Variants in IQGAP2 observed in about 807,000 individuals in gnomAD.
The protein encoded by IQGAP2 is IQ motif containing GTPase activating protein 2, also known as ras GTPase-activating-like protein IQGAP2.
Under a neutral mutation model 201.3 loss-of-function variants are expected in IQGAP2, and 173 were observed. The ratio of observed to expected loss-of-function variants is 0.86; its 90% confidence interval spans 0.76 to 0.98. The LOEUF (loss-of-function observed/expected upper bound fraction) is 0.98, where lower values mean the gene tolerates loss of function less well. IQGAP2 is among the 50% of genes least tolerant of loss of function. IQGAP2 has a pLI of 0.00. For synonymous variants in IQGAP2, 675 were observed against 673.9 expected (o/e 1.00, Z -0.03); for missense variants, 1,687 against 1,864.8 (o/e 0.90, Z 1.76).
intron 2 of IQGAP2, among the ~76,000 whole-genome samples, chr5:76,549,239 C>T (rs1172570516): frequency 6.6e-6 from 1 of 152,018 alleles, no homozygotes; most frequent in Non-Finnish European, 1.5e-5. Flanking sequence ...AGGAAACAGA[C>T]TCAGATTAAT....
intron 2 of IQGAP2, among the ~76,000 whole-genome samples, chr5:76,474,761 C>T (rs1001330535): frequency 7.2e-5 from 11 of 152,200 alleles, no homozygotes; most frequent in Admixed American, 7.2e-4. Context: ...CTGAGGATCA[C>T]TCCTGACCCT....
At chr5:76,660,739 A>C (rs1397299078) in intron 21 of IQGAP2, among the ~76,000 whole-genome samples, 1 of 152,230 alleles carries the variant, frequency 6.6e-6, no homozygotes, top group Non-Finnish European at 1.5e-5. Flanking sequence ...TTAGCGGTTA[A>C]ATTAATGATT....
At position 76,428,930 on chromosome 5, in the gene IQGAP2, TA is replaced by T. The variant is rs1285204202; in HGVS notation, c.46+25344del. Reference sequence around the variant, plus strand: ...CAACATGGTGAAACCCCACCTCTGCTAAAAATACATAAATTAGCCAGGCGTG... The same window carrying T: ...CAACATGGTGAAACCCCACCTCTGCTAAAATACATAAATTAGCCAGGCGTG... On this transcript the variant is annotated intron_variant, in intron 1 of 35. Coordinates refer to ENST00000274364, the MANE Select transcript of IQGAP2 (RefSeq NM_006633.5). Among the ~76,000 whole-genome samples, 5 of 151,920 alleles carry T rather than the reference TA, an allele frequency of 3.3e-5. No individual in the cohort carries two copies. The East Asian group carries it at 7.8e-4, about 24-fold the overall frequency.
intron 4 of IQGAP2, among the ~76,000 whole-genome samples, chr5:76,574,103 C>T (rs1745306857): frequency 6.6e-6 from 1 of 152,122 alleles, no homozygotes; most frequent in South Asian, 2.1e-4. Flanking sequence ...GGAAATTGCA[C>T]TTGAGTATCA....
intron 30 of IQGAP2, among the ~76,000 whole-genome samples, chr5:76,686,341 TTGTTGTTG>T (rs1201222351): frequency 1.9e-4 from 28 of 144,738 alleles, no homozygotes; most frequent in African/African-American, 7.0e-4. Flanking sequence ...TCTGTTTTTT[TTGTTGTTG>T]TTGTTGTTGT....
chr5:76,411,746 C>T (rs1191209770), intron 1 of IQGAP2, among the ~76,000 whole-genome samples: 1 of 152,174 alleles, frequency 6.6e-6, no homozygotes, highest in Non-Finnish European at 1.5e-5. Context: ...TCATAAATGA[C>T]CCAGTCTCAG....
intron 11 of IQGAP2, 63 bp from the exon 12 acceptor site, chr5:76,606,116 G>C (rs1190953837): frequency 1.4e-6 from 2 of 1,432,358 alleles, no homozygotes; most frequent in Non-Finnish European, 1.9e-6. Context: ...TCATAGTTGA[G>C]AAACAACAGG....
chr5:76,522,373 G>A (rs1156796658), intron 2 of IQGAP2, among the ~76,000 whole-genome samples: 2 of 151,928 alleles, frequency 1.3e-5, no homozygotes, highest in African/African-American at 4.8e-5. Flanking sequence ...AGTAGAGATG[G>A]AGTTTCGCCA....
chr5:76,654,317 A>G (rs374925195), intron 19 of IQGAP2, 46 bp downstream of exon 19: 1 of 1,201,528 alleles, frequency 8.3e-7, no homozygotes. Context: ...ATAATGACCT[A>G]AATGAATGCT....
intron 2 of IQGAP2, among the ~76,000 whole-genome samples, chr5:76,525,463 AT>A (rs777810101): frequency 1.4e-3 from 211 of 147,894 alleles, no homozygotes; most frequent in Middle Eastern, 3.5e-3. Flanking sequence ...TTTCCAGTGA[AT>A]TTTTTTTTTT....
At position 76,640,712 on chromosome 5, in the gene IQGAP2, AT is replaced by A. The variant is rs1487609500; in HGVS notation, c.1924-219del. ...CCAAATCCTGAGATCATTGAGCTGC[AT>A]TCTCTTGCCACCTCAGCACCAAGCT... On this transcript the variant is annotated intron_variant, in intron 16 of 35. Coordinates refer to ENST00000274364, the MANE Select transcript of IQGAP2 (RefSeq NM_006633.5). 3.3e-5 allele frequency among the ~76,000 whole-genome samples: 5 copies of A among 152,234 alleles called. No homozygotes were observed. In the East Asian group the frequency reaches 9.6e-4, roughly 29 times the overall value.
intron 13 of IQGAP2, chr5:76,623,309 T>G: frequency 6.5e-7 from 1 of 1,530,440 alleles, no homozygotes. Flanking sequence ...CAGTTCCATG[T>G]GTCAGCAGCA....
chr5:76,496,755 T>TTTTCTTTCTTTC (rs1561416457), intron 2 of IQGAP2, among the ~76,000 whole-genome samples: 2 of 80,214 alleles, frequency 2.5e-5, no homozygotes, highest in African/African-American at 1.1e-4. Context: ...CTTTCTTTCT[T>TTTTCTTTCTTTC]TCTTTCTTTC....
Position 76,618,477 on chromosome 5 carries a change from T to C in IQGAP2, c.1521+7294T>C, listed in dbSNP as rs768017400. 2.6e-5 allele frequency: 42 copies of C among 1,614,074 alleles called. No homozygotes were observed. The Admixed American group carries it at 7.0e-4, about 27-fold the overall frequency. ...CATGGTAGCATTTTTCACATGGAGATGTGAAGCACTTTCTTCAGGGCACTT... is the reference window on the plus strand; with the variant it reads ...CATGGTAGCATTTTTCACATGGAGACGTGAAGCACTTTCTTCAGGGCACTT... On this transcript the variant is annotated intron_variant, in intron 13 of 35. Coordinates refer to ENST00000274364, the MANE Select transcript of IQGAP2 (RefSeq NM_006633.5).
At chr5:76,450,827 A>G (rs1239700880) in intron 1 of IQGAP2, among the ~76,000 whole-genome samples, 2 of 152,150 alleles carry the variant, frequency 1.3e-5, no homozygotes, top group Non-Finnish European at 1.5e-5. Flanking sequence ...ATCTAATCAC[A>G]TTGAAATATA....
chr5:76,682,137 T>TA (rs777722277), intron 28 of IQGAP2, among the ~76,000 whole-genome samples: 21 of 152,196 alleles, frequency 1.4e-4, no homozygotes, highest in Non-Finnish European at 2.9e-4. Context: ...CAGAGAGTGG[T>TA]AATGGCTGCA....
At chr5:76,676,558 C>T (rs1194379413) in intron 27 of IQGAP2, among the ~76,000 whole-genome samples, 1 of 152,236 alleles carries the variant, frequency 6.6e-6, no homozygotes, top group South Asian at 2.1e-4. Context: ...TAGAACTATT[C>T]AACTGTGATC....
intron 20 of IQGAP2, 32 bp downstream of exon 20, chr5:76,655,035 A>C: frequency 2.0e-6 from 3 of 1,516,518 alleles, no homozygotes; most frequent in Non-Finnish European, 2.7e-6. Context: ...CAAAGCAAGG[A>C]TTTTTTATAA....
At chr5:76,600,633 C>T (rs576654827) in intron 10 of IQGAP2, among the ~76,000 whole-genome samples, 179 bp from the exon 11 acceptor site, 1 of 152,302 alleles carries the variant, frequency 6.6e-6, no homozygotes, top group South Asian at 2.1e-4. Flanking sequence ...AATGAAAGCC[C>T]AGGAGCCATA....
Sources: allele counts gnomAD v4.1 joint callset (sites outside exome capture counted in the v4.1 genomes callset), GRCh38; gene constraint gnomAD v4.1.1; transcripts MANE v1.5; gene names NCBI Gene and HGNC (gene_info 2026-07-23, HGNC 2026-07-21).